The following CNTRL variants were observed in gnomAD, a reference collection of about 807,000 sequenced individuals.
CNTRL encodes the protein 110 kDa centrosomal protein.
A neutral mutation model predicts 303.7 loss-of-function variants in CNTRL; 233 were observed. That is an observed-to-expected ratio of 0.77 (90% confidence interval 0.69 to 0.86). The LOEUF (loss-of-function observed/expected upper bound fraction) is 0.86, where lower values mean the gene tolerates loss of function less well. Ranked by LOEUF, CNTRL falls within the 40% of genes least tolerant of loss-of-function variation. The pLI, the probability that CNTRL is intolerant of heterozygous loss-of-function variation, is 0.00. For synonymous variants in CNTRL, 900 were observed against 922.2 expected (o/e 0.98, Z 0.44); for missense variants, 2,524 against 2,650.6 (o/e 0.95, Z 1.05).
At chr9:121,166,226 C>T in intron 36 of CNTRL, 46 bp downstream of exon 36, 2 of 1,351,992 alleles carry the variant, frequency 1.5e-6, no homozygotes, top group South Asian at 1.3e-5. Flanking sequence ...TGAGGGTATG[C>T]AGACCATTGG....
Position 121,080,451 on chromosome 9 carries a change from C to T in CNTRL, c.-59C>T, listed in dbSNP as rs1018900281. 5 of 152,108 alleles carry T rather than the reference C, an allele frequency of 3.3e-5. No individual in the cohort carries two copies. The highest frequency in any genetic ancestry group is 7.2e-5 in the African/African-American group (3 of 41,404). The allele number at this position is 152,108 out of a possible 1,614,324, so 9.4% of individuals were successfully genotyped here. A position where few individuals can be genotyped will look rare whatever the true frequency, so the allele number is the denominator to read the frequency against. On this transcript the variant is annotated 5_prime_UTR_variant, in exon 2 of 44. Coordinates refer to ENST00000373855, the MANE Select transcript of CNTRL (RefSeq NM_007018.6). The stretch of plus-strand genomic sequence containing the variant: ...TAACTGGGACTGCAAGTATACATAC[C>T]GTGCCTGACGAAATATCACAATATT...
intron 14 of CNTRL, among the ~76,000 whole-genome samples, chr9:121,128,691 G>C (rs954948295): frequency 1.3e-5 from 2 of 152,124 alleles, no homozygotes; most frequent in African/African-American, 4.8e-5. Context: ...ATTGCTTTTG[G>C]TGTTTTAGTC....
chr9:121,118,026 T>C (rs1002526466), intron 11 of CNTRL, among the ~76,000 whole-genome samples: 5 of 151,806 alleles, frequency 3.3e-5, no homozygotes, highest in Non-Finnish European at 5.9e-5. Context: ...GCATGGCCCA[T>C]AGTAAGTGCT....
chr9:121,139,827 A>C (rs868549757), intron 16 of CNTRL, among the ~76,000 whole-genome samples: 2 of 152,206 alleles, frequency 1.3e-5, no homozygotes, highest in East Asian at 1.9e-4. Flanking sequence ...TTCACCTGCA[A>C]ATACTTAAGT....
intron 21 of CNTRL, 36 bp from the exon 22 acceptor site, chr9:121,145,208 C>A: frequency 6.3e-7 from 1 of 1,584,414 alleles, no homozygotes; most frequent in Non-Finnish European, 8.6e-7. Context: ...AGAATGAATT[C>A]ATTGGCAACT....
chr9:121,112,188 T>C (rs2049776936), intron 8 of CNTRL, among the ~76,000 whole-genome samples: 1 of 152,192 alleles, frequency 6.6e-6, no homozygotes, highest in Non-Finnish European at 1.5e-5. Context: ...GTTTAACAAA[T>C]TTAAGTGATT....
chr9:121,170,747 C>G (rs2053270429), intron 39 of CNTRL, among the ~76,000 whole-genome samples: 1 of 152,248 alleles, frequency 6.6e-6, no homozygotes, highest in African/African-American at 2.4e-5. Context: ...GCCACCGCGC[C>G]TAGCCAGTTT....
chr9:121,157,392 G>A, intron 27 of CNTRL, 78 bp from the exon 28 acceptor site: 3 of 1,435,490 alleles, frequency 2.1e-6, no homozygotes, highest in Non-Finnish European at 2.8e-6. Context: ...TTCCAAAAGA[G>A]CTGTACTGGT....
rs766667739 is a variant in CNTRL, at chr9:121,165,009, T to C, written c.5490T>C (p.Asn1830=). The stretch of plus-strand genomic sequence containing the variant: ...CAAACTTAGAAAAGTTGGAATTGAA[T>C]GTCAGAAAACTGCAGCAGGAACTAG... ...EQSNLEKLEL[N]VRKLQQELDQ... The change falls in exon 35 of 44, where the codon AAT becomes AAC. Residue 1830 remains asparagine (N), a synonymous_variant. Coordinates refer to ENST00000373855, the MANE Select transcript of CNTRL (RefSeq NM_007018.6). 24 of 1,612,082 alleles carry C rather than the reference T, an allele frequency of 1.5e-5. No homozygotes were observed. The East Asian group carries it at 4.7e-4, about 32-fold the overall frequency.
rs2052642870 is a variant in CNTRL at position 121,157,687 on chromosome 9, A to G, written c.4497-53A>G. On this transcript the variant is annotated intron_variant, in intron 28 of 43. Transcript: ENST00000373855. Reference sequence around the variant, plus strand: ...GGGGATAATAATTGGTTTATGATAAATAATGCATGGTAAGTCTACAGGACC... The same window carrying G: ...GGGGATAATAATTGGTTTATGATAAGTAATGCATGGTAAGTCTACAGGACC... The G allele has an allele frequency of 4.4e-6, 7 of 1,606,908 alleles. No homozygotes were observed. The South Asian group carries it at 6.6e-5, about 15-fold the overall frequency.
In CNTRL at chr9:121,119,080, A is replaced by G. The variant is rs200490937; in HGVS notation, c.1650+540A>G. Among the ~76,000 whole-genome samples the G allele has an allele frequency of 8.5e-3, 1,259 of 148,548 alleles. 11 individuals are homozygous for G. Among genetic ancestry groups the G allele is most frequent in the Non-Finnish European group, 0.013 (856 of 67,126 alleles). ...ATATATGTGTATTATACATAAATAT[A>G]TGTGTGTGTGTGTGTGTGTGTGTGT... On this transcript the variant is annotated intron_variant, in intron 12 of 43. Coordinates refer to ENST00000373855, the MANE Select transcript of CNTRL (RefSeq NM_007018.6).
rs536241829 is a variant in CNTRL, at chr9:121,162,145, G to A, written c.5297G>A (p.Arg1766Gln). 46 of 1,614,148 alleles carry A rather than the reference G, an allele frequency of 2.8e-5. No individual in the cohort carries two copies. Among genetic ancestry groups the A allele is most frequent in the East Asian group, 1.1e-4 (5 of 44,876 alleles). ...WQKQLLERDK[R>Q]EIERMTAESR... ...AAGCAGCTCCTTGAGAGGGATAAAC[G>A]AGAAATAGAACGAATGACTGCTGAG... Residue 1766 changes from arginine to glutamine, a missense_variant, in exon 34 of 44, where the codon CGA (arginine) becomes CAA (glutamine). Transcript: ENST00000373855.
At chr9:121,148,190 A>G (rs1014536132) in intron 23 of CNTRL, among the ~76,000 whole-genome samples, 2 of 152,252 alleles carry the variant, frequency 1.3e-5, no homozygotes, top group Admixed American at 6.5e-5. Context: ...GTTGCTGCAT[A>G]AAATTAACCC....
chr9:121,079,268 T>A (rs2048047909), intron 1 of CNTRL, among the ~76,000 whole-genome samples: 1 of 152,188 alleles, frequency 6.6e-6, no homozygotes, highest in South Asian at 2.1e-4. Flanking sequence ...GGAAATGGCA[T>A]AAATAGCAGT....
At chr9:121,096,287 A>G (rs892447201) in intron 5 of CNTRL, 135 bp from the exon 6 acceptor site, 22 of 613,964 alleles carry the variant, frequency 3.6e-5, no homozygotes, top group Non-Finnish European at 4.9e-5. Flanking sequence ...CTTTGTTCTC[A>G]TTTATGAAAA....
intron 5 of CNTRL, 61 bp from the exon 6 acceptor site, chr9:121,096,361 A>C (rs538832351): frequency 4.7e-5 from 50 of 1,061,176 alleles, no homozygotes; most frequent in African/African-American, 6.5e-5. Flanking sequence ...TATTCTAAAA[A>C]TACAATGGAG....
intron 25 of CNTRL, 162 bp from the exon 26 acceptor site, chr9:121,152,323 C>T: frequency 1.6e-6 from 1 of 611,706 alleles, no homozygotes. Context: ...CTGTCAGTTT[C>T]ATCCGTGACA....
At chr9:121,087,564 G>A (rs1027030033) in intron 2 of CNTRL, among the ~76,000 whole-genome samples, 4 of 152,064 alleles carry the variant, frequency 2.6e-5, no homozygotes, top group Admixed American at 6.6e-5. Context: ...GGTGACAGGC[G>A]CCAGGAATCC....
chr9:121,171,327 A>T, intron 39 of CNTRL, 81 bp from the exon 40 acceptor site: 4 of 1,470,408 alleles, frequency 2.7e-6, no homozygotes, highest in East Asian at 2.3e-5. Context: ...GAATGAAGTT[A>T]TAGAGCTAGT....
Sources: allele counts gnomAD v4.1 joint callset (sites outside exome capture counted in the v4.1 genomes callset), GRCh38; gene constraint gnomAD v4.1.1; transcripts MANE v1.5; gene names NCBI Gene and HGNC (gene_info 2026-07-23, HGNC 2026-07-21).